FANCM: variants seen among roughly 807,000 people sequenced by gnomAD.
FANCM encodes Fanconi anemia group M protein.
A neutral mutation model predicts 199.5 loss-of-function variants in FANCM; 140 were observed. That is an observed-to-expected ratio of 0.70 (90% CI 0.61 to 0.81). FANCM has a LOEUF of 0.81. FANCM is among the 30% of genes least tolerant of loss of function. FANCM has a pLI of 0.00. For missense variants in FANCM, 2,410 were observed against 2,421.4 expected (o/e 1.00, Z 0.10); for synonymous variants, 840 against 836.8 (o/e 1.00, Z -0.07).
chr14:45,166,923 T>C (rs777591051), intron 10 of FANCM, 27 bp from the exon 11 acceptor site: 5 of 1,183,694 alleles, frequency 4.2e-6, no homozygotes, highest in Non-Finnish European at 6.3e-6. Flanking sequence ...AGTAATATAA[T>C]CTGACATTTT....
intron 20 of FANCM, 24 bp from the exon 21 acceptor site, chr14:45,196,148 G>A (rs750715454): frequency 1.2e-6 from 2 of 1,613,730 alleles, no homozygotes; most frequent in Middle Eastern, 1.6e-4. Context: ...ACCTGAATGT[G>A]ACCAGTGTTT....
intron 10 of FANCM, 70 bp downstream of exon 10, chr14:45,164,635 A>G (rs193129876): frequency 5.2e-4 from 608 of 1,179,420 alleles, no homozygotes; most frequent in Non-Finnish European, 6.9e-4. Flanking sequence ...GTGAATATCA[A>G]CATGTTAGCA....
intron 8 of FANCM, among the ~76,000 whole-genome samples, chr14:45,157,479 A>T (rs1887280008): frequency 6.6e-6 from 1 of 152,206 alleles, no homozygotes; most frequent in Admixed American, 6.5e-5. Flanking sequence ...GAAGCTGAAG[A>T]AAGAGACTAT....
chr14:45,191,365 A>G (rs557661787), intron 20 of FANCM, among the ~76,000 whole-genome samples: 1 of 152,218 alleles, frequency 6.6e-6, no homozygotes, highest in Non-Finnish European at 1.5e-5. Context: ...GACAAGGCAG[A>G]GTCCCTCCTG....
intron 22 of FANCM, 42 bp from the exon 23 acceptor site, chr14:45,199,828 C>T (rs2139331598): frequency 6.3e-7 from 1 of 1,597,542 alleles, no homozygotes; most frequent in Non-Finnish European, 8.6e-7. Flanking sequence ...TTATAAAAGC[C>T]AAAAGTCCTA....
At chr14:45,139,974 G>T (rs1467529382) in intron 2 of FANCM, among the ~76,000 whole-genome samples, 4 of 152,076 alleles carry the variant, frequency 2.6e-5, no homozygotes, top group Non-Finnish European at 5.9e-5. Flanking sequence ...GGGTGACAGA[G>T]TAAGACCCTG....
At chr14:45,152,623 C>G (rs947407936) in intron 5 of FANCM, among the ~76,000 whole-genome samples, 1 of 152,180 alleles carries the variant, frequency 6.6e-6, no homozygotes, top group Non-Finnish European at 1.5e-5. Flanking sequence ...TAGGGAATGC[C>G]TGTGCAAAAG....
chr14:45,154,957 A>T, intron 7 of FANCM, 135 bp downstream of exon 7: 1 of 626,004 alleles, frequency 1.6e-6, no homozygotes, highest in Non-Finnish European at 2.7e-6. Context: ...ATGTGTAAAT[A>T]TTTCATTTTT....
intron 20 of FANCM, among the ~76,000 whole-genome samples, chr14:45,192,038 A>G (rs374895427): frequency 2.0e-5 from 3 of 151,888 alleles, no homozygotes; most frequent in East Asian, 3.8e-4. Context: ...TTTATTATTC[A>G]TTTTTAAAAA....
chr14:45,167,922 A>G (rs1003882730), intron 11 of FANCM, among the ~76,000 whole-genome samples: 2 of 152,122 alleles, frequency 1.3e-5, no homozygotes, highest in African/African-American at 2.4e-5. Context: ...GTTAATATAA[A>G]TTATATTTCT....
rs1594798411 is a variant in FANCM, at chr14:45,175,679, A to G, written c.2925A>G (p.Gln975=). The change falls in exon 14 of 23, where the codon CAA becomes CAG. Residue 975 remains glutamine (Q), a synonymous_variant. Coordinates refer to ENST00000267430, the MANE Select transcript of FANCM (RefSeq NM_020937.4). The stretch of plus-strand genomic sequence containing the variant: ...TTTATATTGTTAGAACAGATGACCA[A>G]TTTTATAATTGTCACTCATTGACAA... ...EELYIVRTDD[Q]FYNCHSLTKE... The G allele has an allele frequency of 6.2e-7, 1 of 1,613,486 alleles. No individual in the cohort carries two copies. The highest frequency in any genetic ancestry group is 8.5e-7 in the Non-Finnish European group (1 of 1,179,550).
At chr14:45,163,622 G>A (rs1018163107) in intron 9 of FANCM, among the ~76,000 whole-genome samples, 6 of 152,144 alleles carry the variant, frequency 3.9e-5, no homozygotes, top group African/African-American at 1.2e-4. Flanking sequence ...ACTTCTAAGA[G>A]TAATACAACA....
intron 14 of FANCM, 115 bp downstream of exon 14, chr14:45,177,091 A>T (rs2139254731): frequency 1.5e-6 from 1 of 666,748 alleles, no homozygotes; most frequent in Non-Finnish European, 2.6e-6. Flanking sequence ...TAAATATTGA[A>T]TTAGATAATT....
intron 11 of FANCM, among the ~76,000 whole-genome samples, chr14:45,169,249 G>A (rs544453727): frequency 1.3e-5 from 2 of 151,922 alleles, no homozygotes; most frequent in South Asian, 2.1e-4. Context: ...AGGGACTGGG[G>A]GTACCTGCCT....
chr14:45,143,688 G>C (rs1886142010), intron 3 of FANCM, among the ~76,000 whole-genome samples: 1 of 148,590 alleles, frequency 6.7e-6, no homozygotes, highest in Non-Finnish European at 1.5e-5. Flanking sequence ...TATTGAGTAA[G>C]GATTTTTTTT....
rs778247426 is a variant in FANCM, at chr14:45,176,606, T to G, written c.3852T>G (p.Asp1284Glu). ...CGAATCAAGCACTAATACCAAGAGATCATAGTAAAAATTTTACTAGTGGAA... is the reference window on the plus strand; with the variant it reads ...CGAATCAAGCACTAATACCAAGAGAGCATAGTAAAAATTTTACTAGTGGAA... Reference protein sequence around the residue: ...YVSNQALIPRDHSKNFTSGTV... With the variant: ...YVSNQALIPREHSKNFTSGTV... The change falls in exon 14 of 23, where the codon GAT (aspartate) becomes GAG (glutamate). Residue 1284 changes from aspartate to glutamate, a missense_variant. Transcript: ENST00000267430. 7.5e-6 allele frequency: 12 copies of G among 1,610,034 alleles called. No homozygotes were observed. In the African/African-American group the frequency reaches 1.6e-4, roughly 22 times the overall value.
rs751262177 is a variant in FANCM, at chr14:45,170,744, C to T, written c.2158C>T (p.Pro720Ser). 8.7e-6 allele frequency: 14 copies of T among 1,609,034 alleles called. No individual in the cohort carries two copies. The Admixed American group carries it at 1.0e-4, about 12-fold the overall frequency. Residue 720 changes from proline (P) to serine (S), a missense_variant and splice_region_variant, in exon 12 of 23, where the codon CCA (proline) becomes TCA (serine). Physicochemically the swap from Pro to Ser is moderately conservative, Grantham distance 74. Coordinates refer to ENST00000267430, the MANE Select transcript of FANCM (RefSeq NM_020937.4). ...FSSLQNEENK[P>S]AQESTTGIHQ... Reference sequence around the variant, plus strand: ...TTCTTTACAAAATGAGGAAAACAAACCAGTAAGTTGAATATATTTTCAGAT... The same window carrying T: ...TTCTTTACAAAATGAGGAAAACAAATCAGTAAGTTGAATATATTTTCAGAT...
chr14:45,178,389 A>G (rs1047652283), intron 14 of FANCM, among the ~76,000 whole-genome samples: 3 of 152,346 alleles, frequency 2.0e-5, no homozygotes, highest in Admixed American at 6.5e-5. Flanking sequence ...AGATTTGCAC[A>G]AAAACATTTT....
intron 3 of FANCM, among the ~76,000 whole-genome samples, chr14:45,141,640 A>C (rs1407742916): frequency 1.4e-5 from 2 of 138,234 alleles, no homozygotes; most frequent in Non-Finnish European, 3.1e-5. Context: ...CCCAGGCTGG[A>C]GTGGAATGGC....
Sources: allele counts gnomAD v4.1 joint callset (sites outside exome capture counted in the v4.1 genomes callset), GRCh38; gene constraint gnomAD v4.1.1; transcripts MANE v1.5; gene names NCBI Gene and HGNC (gene_info 2026-07-23, HGNC 2026-07-21).